PXDNL: variants seen among roughly 807,000 people sequenced by gnomAD.
PXDNL encodes the protein peroxidasin like, also known as probable oxidoreductase PXDNL.
PXDNL carries 145 observed loss-of-function variants against 150.8 expected under a neutral mutation model. The observed-to-expected ratio is 0.96, with a 90% CI of 0.84 to 1.10. The LOEUF (loss-of-function observed/expected upper bound fraction) is 1.10. PXDNL is among the 50% of genes least tolerant of loss of function. The pLI is 0.00. For synonymous variants in PXDNL, 757 were observed against 725.7 expected, an observed-to-expected ratio of 1.04 and a Z score of -0.69; for missense variants, 2,087 against 1,873.9, an observed-to-expected ratio of 1.11 and a Z score of -2.10.
At chr8:51,687,145 T>C (rs1815894560) in intron 1 of PXDNL, among the ~76,000 whole-genome samples, 1 of 152,148 alleles carries the variant, frequency 6.6e-6, no homozygotes, top group Admixed American at 6.5e-5. Context: ...AAGTAGTAAC[T>C]ACAAAACAAA....
chr8:51,733,265 C>G (rs1424922020), intron 1 of PXDNL, among the ~76,000 whole-genome samples: 3 of 152,176 alleles, frequency 2.0e-5, no homozygotes, highest in African/African-American at 7.2e-5. Flanking sequence ...AGATAAGTAA[C>G]GTATTTTCCT....
At chr8:51,562,970 G>C (rs1812747089) in intron 3 of PXDNL, among the ~76,000 whole-genome samples, 1 of 151,906 alleles carries the variant, frequency 6.6e-6, no homozygotes, top group African/African-American at 2.4e-5. Flanking sequence ...CACAGGAGAG[G>C]TTGGTTTGCT....
intron 3 of PXDNL, among the ~76,000 whole-genome samples, chr8:51,574,168 A>G (rs1390021021): frequency 6.6e-6 from 1 of 152,064 alleles, no homozygotes; most frequent in Non-Finnish European, 1.5e-5. Context: ...AATCACAAAC[A>G]AGCTGGAAAT....
intron 1 of PXDNL, among the ~76,000 whole-genome samples, chr8:51,797,801 C>G (rs2037577276): frequency 6.6e-6 from 1 of 152,116 alleles, no homozygotes; most frequent in Admixed American, 6.5e-5. Flanking sequence ...CACTGACATT[C>G]TTCACAGAGT....
rs569237972 is a variant in PXDNL, at chr8:51,534,311, G to A, written c.380+22529C>T. ...GGCAGCCACCCCGTCTGGGAAGTGA[G>A]GAGCGTCTACGCCCGGCAGCCACCC... On this transcript the variant is annotated intron_variant, in intron 4 of 22. Coordinates refer to ENST00000356297, the MANE Select transcript of PXDNL (RefSeq NM_144651.5). 9.4e-3 allele frequency among the ~76,000 whole-genome samples: 1,384 copies of A among 146,670 alleles called. 41 individuals are homozygous for A. The highest frequency in any genetic ancestry group is 0.035 in the African/African-American group (1,293 of 37,356).
intron 1 of PXDNL, among the ~76,000 whole-genome samples, chr8:51,694,123 C>T (rs144585061): frequency 1.3e-4 from 20 of 152,192 alleles, no homozygotes; most frequent in African/African-American, 3.6e-4. Flanking sequence ...CATGGGAGGC[C>T]GAGGTGGGCG....
At chr8:51,350,669 T>C (rs1389474620) in intron 19 of PXDNL, among the ~76,000 whole-genome samples, 1 of 152,116 alleles carries the variant, frequency 6.6e-6, no homozygotes, top group Non-Finnish European at 1.5e-5. Context: ...ATGCAGCTTC[T>C]ACCTGGCAGC....
chr8:51,472,957 A>G (rs543434706), intron 7 of PXDNL, among the ~76,000 whole-genome samples: 3 of 152,232 alleles, frequency 2.0e-5, no homozygotes, highest in African/African-American at 7.2e-5. Context: ...TTCTCTTTAA[A>G]CCTTTCTAAA....
At chr8:51,632,399 A>C (rs1246050362) in intron 2 of PXDNL, among the ~76,000 whole-genome samples, 2 of 152,084 alleles carry the variant, frequency 1.3e-5, no homozygotes, top group Non-Finnish European at 2.9e-5. Context: ...CCAGGAGTTC[A>C]AGACTACCCT....
In PXDNL at chr8:51,435,097, T is replaced by A. The variant is rs200215073; in HGVS notation, c.1526-8339A>T. Among the ~76,000 whole-genome samples, 63 of 152,180 alleles carry A rather than the reference T, an allele frequency of 4.1e-4. 1 individual carries two copies. The East Asian group carries it at 0.01, about 24-fold the overall frequency. On this transcript the variant is annotated intron_variant, in intron 12 of 22. Transcript: ENST00000356297. ...ACTTTGGGAGGCCGAGGCGGGCAGA[T>A]CACAAGGTCAGGAGATCGGAGACCA...
chr8:51,667,494 C>T (rs1037828097), intron 1 of PXDNL, among the ~76,000 whole-genome samples: 1 of 152,184 alleles, frequency 6.6e-6, no homozygotes, highest in African/African-American at 2.4e-5. Context: ...TAGTTGCCCT[C>T]TTTTCTTCAC....
chr8:51,394,002 T>C (rs1807993958), intron 17 of PXDNL, among the ~76,000 whole-genome samples: 1 of 152,200 alleles, frequency 6.6e-6, no homozygotes, highest in Admixed American at 6.5e-5. Context: ...AAGCATCAAC[T>C]TTGGAATCAT....
intron 19 of PXDNL, among the ~76,000 whole-genome samples, chr8:51,358,719 G>A (rs552495249): frequency 6.6e-6 from 1 of 152,274 alleles, no homozygotes; most frequent in Non-Finnish European, 1.5e-5. Flanking sequence ...ACGGTGCCCT[G>A]AAGATGAGCA....
rs1806133372 is a variant in PXDNL, at chr8:51,345,798, A to G, written c.4016+35T>C. 10 of 1,310,972 alleles carry G rather than the reference A, an allele frequency of 7.6e-6. No homozygotes were observed. The Admixed American group carries it at 1.6e-4, about 21-fold the overall frequency. 81.2% of individuals were successfully genotyped at this position (1,310,972 alleles called of 1,614,324 possible). A position where few individuals can be genotyped will look rare whatever the true frequency, so the allele number is the denominator to read the frequency against. On this transcript the variant is annotated intron_variant, in intron 20 of 22. Transcript: ENST00000356297. ...GTAGGTTTGAAGCAAATCTATAGTA[A>G]GTTGCCTAAAGAAATGAGATATTTC...
intron 4 of PXDNL, among the ~76,000 whole-genome samples, chr8:51,506,309 A>C (rs1006694408): frequency 6.6e-6 from 1 of 152,106 alleles, no homozygotes; most frequent in Admixed American, 6.5e-5. Context: ...TTGGGAGGCC[A>C]AGGCGGGCGG....
chr8:51,540,989 G>C (rs1812204860), intron 4 of PXDNL, among the ~76,000 whole-genome samples: 1 of 151,958 alleles, frequency 6.6e-6, no homozygotes, highest in African/African-American at 2.4e-5. Flanking sequence ...GCTGGTTGCA[G>C]TGGCTTATGC....
At chr8:51,651,411 G>T (rs187537227) in intron 2 of PXDNL, among the ~76,000 whole-genome samples, 1 of 152,124 alleles carries the variant, frequency 6.6e-6, no homozygotes, top group Non-Finnish European at 1.5e-5. Context: ...AAAATAAAAC[G>T]TCAGAGGAAA....
At chr8:51,754,334 G>A (rs1375574077) in intron 1 of PXDNL, among the ~76,000 whole-genome samples, 1 of 152,208 alleles carries the variant, frequency 6.6e-6, no homozygotes, top group East Asian at 1.9e-4. Context: ...CCCAGGGGCT[G>A]TTGATCCCAT....
intron 2 of PXDNL, among the ~76,000 whole-genome samples, chr8:51,632,646 G>A (rs1352658058): frequency 2.0e-5 from 3 of 152,024 alleles, no homozygotes; most frequent in Admixed American, 2.0e-4. Flanking sequence ...TTTACACCAC[G>A]ATGCAGTTAT....
Sources: allele counts gnomAD v4.1 joint callset (sites outside exome capture counted in the v4.1 genomes callset), GRCh38; gene constraint gnomAD v4.1.1; transcripts MANE v1.5; gene names NCBI Gene and HGNC (gene_info 2026-07-23, HGNC 2026-07-21).